The following CWC27 variants were observed in gnomAD, a reference collection of about 807,000 sequenced individuals.
CWC27 encodes the protein CWC27 spliceosome associated cyclophilin.
A neutral mutation model predicts 63.6 loss-of-function variants in CWC27; 47 were observed. The observed-to-expected ratio is 0.74, with a 90% CI of 0.58 to 0.94. The LOEUF (loss-of-function observed/expected upper bound fraction) is 0.94. CWC27 is among the 40% of genes least tolerant of loss of function. The pLI, the probability that CWC27 is intolerant of heterozygous loss-of-function variation, is 0.00. For missense variants in CWC27, 495 were observed against 554.3 expected (o/e 0.89, Z 1.07); for synonymous variants, 175 against 179.8 (o/e 0.97, Z 0.22).
At chr5:64,845,172 A>C (rs150565281) in intron 10 of CWC27, among the ~76,000 whole-genome samples, 53 of 152,240 alleles carry the variant, frequency 3.5e-4, no homozygotes, top group East Asian at 1.9e-4. Context: ...AGAACTCCCA[A>C]CAAGCTCTGA....
chr5:64,909,900 T>C (rs1747747649), intron 11 of CWC27, among the ~76,000 whole-genome samples: 1 of 152,200 alleles, frequency 6.6e-6, no homozygotes, highest in South Asian at 2.1e-4. Flanking sequence ...AGAAGTTTGT[T>C]ATTACCGACC....
At chr5:64,899,120 G>C (rs182395508) in intron 11 of CWC27, among the ~76,000 whole-genome samples, 237 of 152,242 alleles carry the variant, frequency 1.6e-3, no homozygotes, top group African/African-American at 4.4e-3. Context: ...AAAGGTAAAA[G>C]GGATGACTGA....
chr5:64,979,954 T>C (rs1020698018), intron 13 of CWC27, among the ~76,000 whole-genome samples: 1 of 138,260 alleles, frequency 7.2e-6, no homozygotes, highest in Non-Finnish European at 1.5e-5. Flanking sequence ...AGCAGCATTA[T>C]ACTTTTTATG....
chr5:64,778,138 G>A (rs187057421), intron 2 of CWC27, among the ~76,000 whole-genome samples: 235 of 152,170 alleles, frequency 1.5e-3, no homozygotes, highest in Middle Eastern at 3.4e-3. Flanking sequence ...TCCTTTTTCC[G>A]TCACAGGTAA....
chr5:64,934,414 C>T lies in CWC27; in HGVS notation c.1043-37289C>T, dbSNP rs373350373. Among the ~76,000 whole-genome samples the T allele has an allele frequency of 1.5e-4, 23 of 152,290 alleles. 2 individuals are homozygous for T. The South Asian group carries it at 3.9e-3, about 26-fold the overall frequency. ...TATGGTTTCCAGCTTCATCCATGTCCCTGCAAAGGACATGAGTTCATCCTT... is the reference window on the plus strand; with the variant it reads ...TATGGTTTCCAGCTTCATCCATGTCTCTGCAAAGGACATGAGTTCATCCTT... On this transcript the variant is annotated intron_variant, in intron 11 of 13. Transcript: ENST00000381070.
intron 11 of CWC27, among the ~76,000 whole-genome samples, chr5:64,948,874 C>T (rs1361284754): frequency 6.6e-6 from 1 of 151,874 alleles, no homozygotes; most frequent in African/African-American, 2.4e-5. Flanking sequence ...ATAGAATATT[C>T]ATGCTTCATC....
At chr5:64,800,962 A>G (rs1744465763) in intron 8 of CWC27, among the ~76,000 whole-genome samples, 1 of 152,086 alleles carries the variant, frequency 6.6e-6, no homozygotes, top group Non-Finnish European at 1.5e-5. Flanking sequence ...TATTTGAAGG[A>G]TTTGGGGGTT....
intron 6 of CWC27, among the ~76,000 whole-genome samples, chr5:64,786,844 G>T (rs1016854380): frequency 1.3e-5 from 2 of 152,074 alleles, no homozygotes; most frequent in Non-Finnish European, 2.9e-5. Context: ...ATGAGTGTGT[G>T]GTTGTATTAG....
intron 10 of CWC27, among the ~76,000 whole-genome samples, chr5:64,846,854 C>T (rs1390061138): frequency 6.6e-6 from 1 of 151,616 alleles, no homozygotes; most frequent in South Asian, 2.1e-4. Flanking sequence ...ATTAGCTGAG[C>T]GTGGTGGCAT....
At chr5:64,977,549 A>C (rs544802123) in intron 13 of CWC27, among the ~76,000 whole-genome samples, 12 of 152,238 alleles carry the variant, frequency 7.9e-5, no homozygotes, top group African/African-American at 2.6e-4. Context: ...AAAAGATGAG[A>C]CTCACATTAA....
intron 7 of CWC27, among the ~76,000 whole-genome samples, chr5:64,795,565 G>A (rs1490349188): frequency 6.6e-6 from 1 of 151,974 alleles, no homozygotes; most frequent in Non-Finnish European, 1.5e-5. Flanking sequence ...TGTATTCTTT[G>A]GTGTGCCCCT....
intron 11 of CWC27, among the ~76,000 whole-genome samples, chr5:64,924,956 GACACAC>G (rs36083384): frequency 1.2e-4 from 18 of 145,540 alleles, no homozygotes; most frequent in East Asian, 2.0e-4. Context: ...GTCTTTCTTA[GACACAC>G]ACACACACAC....
chr5:64,861,342 A>G (rs557561191), intron 10 of CWC27, among the ~76,000 whole-genome samples: 136 of 151,964 alleles, frequency 8.9e-4, no homozygotes, highest in African/African-American at 3.0e-3. Context: ...AGATATATAT[A>G]TATATAAAAC....
chr5:64,949,317 C>T lies in CWC27; in HGVS notation c.1043-22386C>T, dbSNP rs189389439. On this transcript the variant is annotated intron_variant, in intron 11 of 13. Transcript: ENST00000381070. ...TTTAGATAGCAAAATACTGAAATAT[C>T]CTCAAAACAAATCTGTTCTTTGTAT... is the stretch of plus-strand genomic sequence containing the variant. Among the ~76,000 whole-genome samples, 128 of 152,038 alleles carry T rather than the reference C, an allele frequency of 8.4e-4. 1 individual carries two copies. Among genetic ancestry groups the T allele is most frequent in the Middle Eastern group, 3.4e-3 (1 of 294 alleles).
At chr5:64,927,100 AT>A (rs1233715537) in intron 11 of CWC27, among the ~76,000 whole-genome samples, 1 of 152,170 alleles carries the variant, frequency 6.6e-6, no homozygotes, top group African/African-American at 2.4e-5. Flanking sequence ...AGGTTGATGT[AT>A]TATTATTTGT....
chr5:64,785,403 G>C (rs1743847385), intron 4 of CWC27, 78 bp from the exon 5 acceptor site: 2 of 637,444 alleles, frequency 3.1e-6, no homozygotes. Context: ...TTATTTGAAA[G>C]ATGTTTTCAA....
chr5:64,873,362 A>G (rs1218683491), intron 10 of CWC27, among the ~76,000 whole-genome samples: 2 of 152,040 alleles, frequency 1.3e-5, no homozygotes, highest in African/African-American at 2.4e-5. Context: ...ATTCCTTCTA[A>G]TAAAAATATT....
intron 13 of CWC27, among the ~76,000 whole-genome samples, chr5:64,995,009 T>G (rs1178137290): frequency 2.3e-5 from 1 of 43,110 alleles, no homozygotes; most frequent in Non-Finnish European, 5.2e-5. Context: ...AGCTCTGAAA[T>G]TTTTTTTTTT....
chr5:65,009,002 T>A (rs1468467797), intron 13 of CWC27, among the ~76,000 whole-genome samples: 28 of 150,336 alleles, frequency 1.9e-4, no homozygotes, highest in African/African-American at 4.6e-4. Context: ...GTAATTTATT[T>A]AAAAAAAAAA....
Sources: gnomAD v4.1 joint callset for allele counts (sites outside exome capture counted in the v4.1 genomes callset) on GRCh38, gnomAD v4.1.1 for gene constraint, MANE v1.5 for transcripts, NCBI Gene and HGNC (gene_info 2026-07-23, HGNC 2026-07-21) for gene names.